Variants in WDR90 observed in about 807,000 individuals in gnomAD.
The protein encoded by WDR90 is WD repeat domain 90, also known as WD repeat-containing protein 90.
A neutral mutation model predicts 195.2 loss-of-function variants in WDR90; 238 were observed. That is an observed-to-expected ratio of 1.22 (90% CI 1.10 to 1.36). WDR90 has a LOEUF of 1.36. Ranked by LOEUF, WDR90 falls within the 40% of genes most tolerant of loss-of-function variation. The probability of loss-of-function intolerance (pLI) is 0.00; values close to 1 mark genes in which losing one functional copy is unlikely to be tolerated. For synonymous variants in WDR90, 1,265 were observed against 1,052.4 expected (o/e 1.20, Z -3.91); for missense variants, 2,734 against 2,439.5 (o/e 1.12, Z -2.54).
chr16:656,388 C>T lies in WDR90; in HGVS notation c.2053C>T (p.Leu685=). The T allele has an allele frequency of 1.2e-6, 2 of 1,608,826 alleles. No individual in the cohort carries two copies. The highest frequency in any genetic ancestry group is 2.2e-5 in the South Asian group (2 of 90,714). ...SATSSGHLGF[L]DTLSRVYHML... ...CACCTCCTCGGGCCACCTGGGCTTC[C>T]TGGACACGCTGTCCCGGGTGTACCA... The change falls in exon 18 of 41, where the codon CTG becomes TTG. Residue 685 remains leucine (L), a synonymous_variant. Transcript: ENST00000293879.
chr16:663,789 G>A (rs2037966268), intron 34 of WDR90, among the ~76,000 whole-genome samples: 1 of 152,224 alleles, frequency 6.6e-6, no homozygotes, highest in African/African-American at 2.4e-5. Context: ...TGCAGCCTTA[G>A]GAGAGGTGGC....
intron 19 of WDR90, 69 bp from the exon 20 acceptor site, chr16:657,022 G>A: frequency 1.9e-6 from 3 of 1,573,118 alleles, no homozygotes; most frequent in Non-Finnish European, 2.6e-6. Context: ...TGGTTGGCTG[G>A]AGGTCGAGGG....
chr16:649,861 G>A lies in WDR90; in HGVS notation c.102+7G>A. 2 of 1,577,686 alleles carry A rather than the reference G, an allele frequency of 1.3e-6. No individual in the cohort carries two copies. Among genetic ancestry groups the A allele is most frequent in the Non-Finnish European group, 1.7e-6 (2 of 1,162,316 alleles). On this transcript the variant is annotated splice_region_variant and intron_variant, in intron 2 of 40. Coordinates refer to ENST00000293879, the MANE Select transcript of WDR90 (RefSeq NM_145294.5). ...GGACGTGGCCGTGGTCACGGTAGGCGGCCGGGGGCTCGCCCGGAGCCCACA... is the reference window on the plus strand; with the variant it reads ...GGACGTGGCCGTGGTCACGGTAGGCAGCCGGGGGCTCGCCCGGAGCCCACA...
At chr16:653,311 G>C (rs568103966) in intron 10 of WDR90, 30 bp from the exon 11 acceptor site, 44 of 1,474,908 alleles carry the variant, frequency 3.0e-5, no homozygotes, top group Non-Finnish European at 3.7e-5. Flanking sequence ...GCGTAGCACC[G>C]GTCCTCAGCC....
chr16:649,336 G>A (rs962438152), upstream of WDR90: 7 of 1,310,620 alleles, frequency 5.3e-6, no homozygotes, highest in Non-Finnish European at 6.8e-6. Context: ...ACCGTTGCCA[G>A]GCAGCCGTTG....
Position 665,997 on chromosome 16 carries a change from G to A in WDR90, c.4482G>A (p.Glu1494=), listed in dbSNP as rs1421649035. 6.2e-7 allele frequency: 1 copy of A among 1,603,762 alleles called. No individual in the cohort carries two copies. The highest frequency in any genetic ancestry group is 1.7e-5 in the Admixed American group (1 of 59,970). ...AWSPPCCGRP[E]QQRLAAGYGD... Reference sequence around the variant, plus strand: ...GCCCCCCGTGCTGTGGCCGCCCTGAGCAGCAGCGGCTAGCGGCTGGCTACG... The same window carrying A: ...GCCCCCCGTGCTGTGGCCGCCCTGAACAGCAGCGGCTAGCGGCTGGCTACG... Residue 1494 remains glutamate, a synonymous_variant, in exon 36 of 41, where the codon GAG becomes GAA. Coordinates refer to ENST00000293879, the MANE Select transcript of WDR90 (RefSeq NM_145294.5).
chr16:658,476 C>T, intron 22 of WDR90, 49 bp from the exon 23 acceptor site: 1 of 1,586,996 alleles, frequency 6.3e-7, no homozygotes, highest in Non-Finnish European at 8.6e-7. Flanking sequence ...CCCCAGGCTG[C>T]TGGCCACTCT....
chr16:665,971 A>G lies in WDR90; in HGVS notation c.4456A>G (p.Ser1486Gly), dbSNP rs1490321551. 6.3e-7 allele frequency: 1 copy of G among 1,594,334 alleles called. No individual in the cohort carries two copies. The highest frequency in any genetic ancestry group is 1.7e-5 in the Admixed American group (1 of 59,354). ...CCAGAGCTGCCTCTGCCTGGCATGG[A>G]GCCCCCCGTGCTGTGGCCGCCCTGA... ...LNQSCLCLAW[S>G]PPCCGRPEQQ... Residue 1486 changes from serine (S) to glycine (G), a missense_variant, in exon 36 of 41, where the codon AGC (serine) becomes GGC (glycine). Physicochemically the swap from Ser to Gly is moderately conservative, Grantham distance 56 (BLOSUM62 0). Transcript: ENST00000293879.
At chr16:658,439 C>T (rs1336950180) in intron 22 of WDR90, 86 bp from the exon 23 acceptor site, 20 of 1,575,334 alleles carry the variant, frequency 1.3e-5, no homozygotes, top group African/African-American at 2.7e-5. Flanking sequence ...GGTGGGGGGC[C>T]GTCGCCACAC....
chr16:656,280 C>A, intron 17 of WDR90, 22 bp from the exon 18 acceptor site: 1 of 1,596,198 alleles, frequency 6.3e-7, no homozygotes, highest in Non-Finnish European at 8.5e-7. Flanking sequence ...CCTGGAGGCC[C>A]CTGACCCCAC....
At chr16:660,881 G>T in intron 28 of WDR90, 167 bp downstream of exon 28, 1 of 896,476 alleles carries the variant, frequency 1.1e-6, no homozygotes, top group Non-Finnish European at 1.6e-6. Flanking sequence ...GTCCTGTGAA[G>T]CACTTTGGCT....
At chr16:662,550 C>T (rs924381653) in intron 33 of WDR90, 129 bp from the exon 34 acceptor site, 1 of 1,354,980 alleles carries the variant, frequency 7.4e-7, no homozygotes, top group Middle Eastern at 2.7e-4. Context: ...TTCTCTTCTT[C>T]CACCGGGAGG....
chr16:655,837 C>T lies in WDR90; in HGVS notation c.1914C>T (p.Asp638=), dbSNP rs374385219. Residue 638 remains aspartate (D), a synonymous_variant, in exon 17 of 41, where the codon GAC becomes GAT. Transcript: ENST00000293879. ...SPAMCAVGSE[D]GFLRLWPLDF... ...CCATGTGTGCTGTGGGCTCTGAGGACGGCTTCTTGCGGCTCTGGCCCCTGG... is the reference window on the plus strand; with the variant it reads ...CCATGTGTGCTGTGGGCTCTGAGGATGGCTTCTTGCGGCTCTGGCCCCTGG... 3.7e-5 allele frequency: 59 copies of T among 1,598,362 alleles called. No individual in the cohort carries two copies. Among genetic ancestry groups the T allele is most frequent in the Middle Eastern group, 3.3e-4 (2 of 6,050 alleles).
At position 653,451 on chromosome 16, in the gene WDR90, G is replaced by C; in HGVS notation, c.1233G>C (p.Lys411Asn). 1.9e-6 allele frequency: 3 copies of C among 1,612,432 alleles called. No individual in the cohort carries two copies. Among genetic ancestry groups the C allele is most frequent in the East Asian group, 2.2e-5 (1 of 44,876 alleles). Reference sequence around the variant, plus strand: ...GCTTCTTCCTTGGCCACACAGACAAGGTGGGTGCTGCCCGGGCCTGGGGCA... The same window carrying C: ...GCTTCTTCCTTGGCCACACAGACAACGTGGGTGCTGCCCGGGCCTGGGGCA... Reference protein sequence around the residue: ...EQRFFLGHTDKVSALALDGSS... With the variant: ...EQRFFLGHTDNVSALALDGSS... The change falls in exon 11 of 41, where the codon AAG becomes AAC. Residue 411 changes from lysine (K) to asparagine (N), a missense_variant and splice_region_variant. Lys to Asn is a moderately conservative substitution (Grantham distance 94, BLOSUM62 0). Transcript: ENST00000293879.
chr16:650,257 A>C lies in WDR90; in HGVS notation c.283A>C (p.Asn95His). The C allele has an allele frequency of 1.2e-6, 2 of 1,612,818 alleles. No homozygotes were observed. Among genetic ancestry groups the C allele is most frequent in the Non-Finnish European group, 1.7e-6 (2 of 1,179,850 alleles). Residue 95 changes from asparagine (N) to histidine (H), a missense_variant, in exon 4 of 41, where the codon AAC becomes CAC. Transcript: ENST00000293879. ...CGGCCCTGCTCCGTCCCCACAGGACAACCAAGTCATCCGTGTGTCTTTCTC... is the reference window on the plus strand; with the variant it reads ...CGGCCCTGCTCCGTCCCCACAGGACCACCAAGTCATCCGTGTGTCTTTCTC... ...VIHLDVSSKD[N>H]QVIRVSFSNL...
rs1243512296 is a variant in WDR90, at chr16:656,386, TC to T, written c.2053del (p.Leu685TrpfsTer106). 3 of 1,608,998 alleles carry T rather than the reference TC, an allele frequency of 1.9e-6. No individual in the cohort carries two copies. Among genetic ancestry groups the T allele is most frequent in the African/African-American group, 1.3e-5 (1 of 74,846 alleles). ...LSATSSGHLG[F>X]LDTLSRVYHM... ...GCCACCTCCTCGGGCCACCTGGGCT[TC>T]CTGGACACGCTGTCCCGGGTGTACC... On this transcript the variant is annotated frameshift_variant, in exon 18 of 41. Coordinates refer to ENST00000293879, the MANE Select transcript of WDR90 (RefSeq NM_145294.5). LOFTEE classifies it high-confidence loss of function.
At position 659,456 on chromosome 16, in the gene WDR90, G is replaced by A. The variant is rs189528073; in HGVS notation, c.3184+80G>A. The A allele has an allele frequency of 2.5e-4, 376 of 1,532,286 alleles. 1 individual carries two copies. Among genetic ancestry groups the A allele is most frequent in the African/African-American group, 2.0e-3 (145 of 73,344 alleles). 94.9% of individuals were successfully genotyped at this position (1,532,286 alleles called of 1,614,324 possible). A position where few individuals can be genotyped will look rare whatever the true frequency, so the allele number is the denominator to read the frequency against. On this transcript the variant is annotated intron_variant, in intron 26 of 40. Transcript: ENST00000293879. ...AGGCCCAGTGGCAGCAGGTACTCACGCACGTCCAGCTCTGGGGTGCAGGTG... is the reference window on the plus strand; with the variant it reads ...AGGCCCAGTGGCAGCAGGTACTCACACACGTCCAGCTCTGGGGTGCAGGTG...
In WDR90 at chr16:651,880, A is replaced by G. The variant is rs1353245903; in HGVS notation, c.894A>G (p.Gln298=). The G allele has an allele frequency of 1.2e-6, 2 of 1,611,018 alleles. No individual in the cohort carries two copies. Among genetic ancestry groups the G allele is most frequent in the East Asian group, 2.2e-5 (1 of 44,874 alleles). Reference sequence around the variant, plus strand: ...CCTTCCCGGAGGTCAGCCTGTCCCAAGAGCGCTCAGACGCCTCCAACGCGG... The same window carrying G: ...CCTTCCCGGAGGTCAGCCTGTCCCAGGAGCGCTCAGACGCCTCCAACGCGG... ...PRPFPEVSLS[Q]ERSDASNADG... is the part of the protein sequence containing the mutation. The change falls in exon 9 of 41, where the codon CAA becomes CAG. Residue 298 remains glutamine, a synonymous_variant. Coordinates refer to ENST00000293879, the MANE Select transcript of WDR90 (RefSeq NM_145294.5).
Position 655,165 on chromosome 16 carries a change from C to G in WDR90, c.1556+18C>G. ...GAAACCAGGTGATGCAGCCGCCCAT[C>G]CACGATGTTGGGAGAGGGTCTGGGC... On this transcript the variant is annotated intron_variant, in intron 14 of 40. Transcript: ENST00000293879. 1 of 1,612,346 alleles carries G rather than the reference C, an allele frequency of 6.2e-7. No homozygotes were observed. Among genetic ancestry groups the G allele is most frequent in the Non-Finnish European group, 8.5e-7 (1 of 1,179,558 alleles).
Sources: allele counts gnomAD v4.1 joint callset (sites outside exome capture counted in the v4.1 genomes callset), GRCh38; gene constraint gnomAD v4.1.1; transcripts MANE v1.5; gene names NCBI Gene and HGNC (gene_info 2026-07-23, HGNC 2026-07-21).